NCKAP5: variants seen among roughly 807,000 people sequenced by gnomAD.
NCKAP5 encodes the protein nck-associated protein 5.
In NCKAP5, 92 loss-of-function variants were observed where a neutral mutation model predicts 167.0. The observed-to-expected ratio is 0.55, with a 90% CI of 0.47 to 0.66. The LOEUF (loss-of-function observed/expected upper bound fraction) is 0.66, where lower values mean the gene tolerates loss of function less well. Among genes scored for constraint, NCKAP5 ranks in the 30% least tolerant of loss-of-function variants. NCKAP5 has a pLI of 0.00. For synonymous variants in NCKAP5, 891 were observed against 877.4 expected (o/e 1.02, Z -0.27); for missense variants, 2,378 against 2,315.0 (o/e 1.03, Z -0.56).
At chr2:133,469,149 C>T (rs932335333) in intron 3 of NCKAP5, among the ~76,000 whole-genome samples, 103 of 151,984 alleles carry the variant, frequency 6.8e-4, no homozygotes, top group Non-Finnish European at 8.7e-4. Flanking sequence ...TGGCTGGTAC[C>T]GGCTTTTCCT....
At chr2:132,902,228 T>C (rs1693681973) in intron 8 of NCKAP5, among the ~76,000 whole-genome samples, 1 of 152,102 alleles carries the variant, frequency 6.6e-6, no homozygotes, top group African/African-American at 2.4e-5. Context: ...AATCACAGCA[T>C]AGTTAAAAAA....
At chr2:133,064,943 C>T (rs1411633837) in intron 6 of NCKAP5, among the ~76,000 whole-genome samples, 1 of 152,186 alleles carries the variant, frequency 6.6e-6, no homozygotes, top group Non-Finnish European at 1.5e-5. Context: ...CAGAAGCAGG[C>T]TCCTTAGCAT....
At chr2:133,482,808 AT>A (rs895115526) in intron 3 of NCKAP5, among the ~76,000 whole-genome samples, 7 of 150,876 alleles carry the variant, frequency 4.6e-5, no homozygotes, top group Admixed American at 1.3e-4. Context: ...AACATCTGTT[AT>A]TTTTTTTTCT....
At chr2:133,006,731 T>C (rs746603346) in intron 6 of NCKAP5, among the ~76,000 whole-genome samples, 4 of 152,172 alleles carry the variant, frequency 2.6e-5, no homozygotes, top group Admixed American at 2.0e-4. Flanking sequence ...TAGCCGGTGT[T>C]AATCTGTTGC....
At chr2:133,487,381 A>C (rs1443248866) in intron 3 of NCKAP5, among the ~76,000 whole-genome samples, 3 of 152,060 alleles carry the variant, frequency 2.0e-5, no homozygotes, top group African/African-American at 7.2e-5. Context: ...GTGGTGTGAA[A>C]AGGGCACTGT....
At chr2:133,396,538 T>C (rs1393730555) in intron 3 of NCKAP5, among the ~76,000 whole-genome samples, 4 of 152,188 alleles carry the variant, frequency 2.6e-5, no homozygotes, top group East Asian at 3.9e-4. Context: ...TTGCTAGGGC[T>C]GCTGTAACAA....
intron 5 of NCKAP5, among the ~76,000 whole-genome samples, chr2:133,210,986 C>A (rs1351118317): frequency 6.6e-6 from 1 of 151,242 alleles, no homozygotes; most frequent in Non-Finnish European, 1.5e-5. Context: ...CCCATTCCCC[C>A]AACCCTCCCT....
rs144491492 is a variant in NCKAP5 at position 132,784,232 on chromosome 2, C to G, written c.2579G>C (p.Arg860Pro). The G allele has an allele frequency of 6.3e-7, 1 of 1,599,012 alleles. No individual in the cohort carries two copies. Among genetic ancestry groups the G allele is most frequent in the African/African-American group, 1.4e-5 (1 of 74,046 alleles). ...ATGTTTTGGAATGTGTGGATCTGAT[C>G]GTAATTCAAAGAGGGGCCCTGAGCT... The part of the protein sequence containing the change: ...TESSGPLFEL[R>P]SDPHIPKHSA... The change falls in exon 14 of 20, where the codon CGA becomes CCA. Residue 860 changes from arginine (R) to proline (P), a missense_variant. Coordinates refer to ENST00000409261, the MANE Select transcript of NCKAP5 (RefSeq NM_207363.3).
At chr2:133,256,501 AT>A (rs2088625759) in intron 4 of NCKAP5, among the ~76,000 whole-genome samples, 1 of 152,250 alleles carries the variant, frequency 6.6e-6, no homozygotes, top group African/African-American at 2.4e-5. Flanking sequence ...ATCAAATAAC[AT>A]TTAGGAAACT....
chr2:132,732,156 A>G, intron 16 of NCKAP5, 105 bp from the exon 17 acceptor site: 1 of 1,105,332 alleles, frequency 9.0e-7, no homozygotes, highest in South Asian at 1.7e-5. Flanking sequence ...AGACACCTAG[A>G]AGGGTGAATT....
In NCKAP5 at chr2:132,771,269, A is replaced by T. The variant is rs112291040; in HGVS notation, c.5128+2547T>A. ...TTCTGACCCTGCGGAGGCCTAGCTA[A>T]TATGTGTGTTTGTGTCTTCGTTTTT... On this transcript the variant is annotated intron_variant, in intron 16 of 19. Transcript: ENST00000409261. 1.5e-3 allele frequency among the ~76,000 whole-genome samples: 234 copies of T among 152,268 alleles called. 1 individual carries two copies. The highest frequency in any genetic ancestry group is 5.6e-3 in the African/African-American group (231 of 41,558).
intron 4 of NCKAP5, among the ~76,000 whole-genome samples, chr2:133,298,043 T>A (rs1270155867): frequency 6.6e-6 from 1 of 152,208 alleles, no homozygotes; most frequent in Non-Finnish European, 1.5e-5. Flanking sequence ...AATTTAATCA[T>A]AACCAGAAAG....
intron 11 of NCKAP5, among the ~76,000 whole-genome samples, chr2:132,832,168 T>A (rs535925548): frequency 1.9e-4 from 29 of 152,274 alleles, no homozygotes; most frequent in African/African-American, 6.7e-4. Context: ...ATGATGGGAT[T>A]TTGATTTAAT....
intron 6 of NCKAP5, among the ~76,000 whole-genome samples, chr2:133,078,593 G>A (rs187881272): frequency 5.9e-5 from 9 of 152,230 alleles, no homozygotes; most frequent in African/African-American, 1.9e-4. Flanking sequence ...TACAGTGTGA[G>A]AGTAGACAGA....
Position 132,784,736 on chromosome 2 carries a change from G to A in NCKAP5, c.2075C>T (p.Thr692Ile). ...TGAATTGATGGAAATCTCATTTCTG[G>A]TAACAGTGACAACCCCAGTCTGGTG... ...SSHQTGVVTV[T>I]RNEISINSTP... The change falls in exon 14 of 20, where the codon ACC becomes ATC. Residue 692 changes from threonine (T) to isoleucine (I), a missense_variant. By Grantham distance (89) the Thr-to-Ile change is moderately conservative (BLOSUM62 -1). Around this residue, in one of 3 missense-constraint regions of NCKAP5, gnomAD observed 1,049 missense variants for 1,023.4 expected, o/e 1.02. Coordinates refer to ENST00000409261, the MANE Select transcript of NCKAP5 (RefSeq NM_207363.3). 2 of 1,613,934 alleles carry A rather than the reference G, an allele frequency of 1.2e-6. No homozygotes were observed. Among genetic ancestry groups the A allele is most frequent in the Non-Finnish European group, 1.7e-6 (2 of 1,179,854 alleles).
At chr2:133,531,834 A>G (rs934573598) in intron 2 of NCKAP5, among the ~76,000 whole-genome samples, 1 of 152,172 alleles carries the variant, frequency 6.6e-6, no homozygotes, top group Non-Finnish European at 1.5e-5. Flanking sequence ...TCATGTACCT[A>G]CTACCCTGTA....
At chr2:133,235,996 G>T (rs1382447259) in intron 4 of NCKAP5, among the ~76,000 whole-genome samples, 1 of 146,980 alleles carries the variant, frequency 6.8e-6, no homozygotes, top group East Asian at 2.0e-4. Flanking sequence ...GAGCTGGGAA[G>T]TGGAGGCTGC....
At chr2:133,120,315 A>G (rs1235809591) in intron 6 of NCKAP5, among the ~76,000 whole-genome samples, 1 of 152,250 alleles carries the variant, frequency 6.6e-6, no homozygotes, top group Non-Finnish European at 1.5e-5. Context: ...GTAGACATTT[A>G]TAAACAAGGA....
At chr2:133,056,261 T>C (rs1204996679) in intron 6 of NCKAP5, among the ~76,000 whole-genome samples, 3 of 152,176 alleles carry the variant, frequency 2.0e-5, no homozygotes, top group Non-Finnish European at 4.4e-5. Context: ...CTGTATCCTC[T>C]TCCTAAATTC....
Sources: allele counts gnomAD v4.1 joint callset (sites outside exome capture counted in the v4.1 genomes callset), GRCh38; gene constraint gnomAD v4.1.1; regional missense constraint gnomAD v4.1.1; transcripts MANE v1.5; gene names NCBI Gene and HGNC (gene_info 2026-07-23, HGNC 2026-07-21).